Variants in DPY19L1 observed in about 807,000 individuals in gnomAD.
DPY19L1 encodes the protein dpy-19 like C-mannosyltransferase 1.
A neutral mutation model predicts 96.9 loss-of-function variants in DPY19L1; 35 were observed. That is an observed-to-expected ratio of 0.36 (90% CI 0.28 to 0.48). The LOEUF (loss-of-function observed/expected upper bound fraction) is 0.48, where lower values mean the gene tolerates loss of function less well. DPY19L1 is among the 20% of genes least tolerant of loss of function. The pLI, the probability that DPY19L1 is intolerant of heterozygous loss-of-function variation, is 0.99. For synonymous variants in DPY19L1, 205 were observed against 252.6 expected, an observed-to-expected ratio of 0.81 and a Z score of 1.79; for missense variants, 521 against 777.9, an observed-to-expected ratio of 0.67 and a Z score of 3.93.
At chr7:34,996,757 C>T (rs1040207940) in intron 6 of DPY19L1, among the ~76,000 whole-genome samples, 3 of 152,176 alleles carry the variant, frequency 2.0e-5, no homozygotes, top group Non-Finnish European at 4.4e-5. Context: ...CGAAATGCCT[C>T]GCAGGATCTG....
chr7:34,966,177 C>A (rs1229693533), intron 10 of DPY19L1, among the ~76,000 whole-genome samples: 2 of 151,998 alleles, frequency 1.3e-5, no homozygotes, highest in South Asian at 4.1e-4. Flanking sequence ...ACATAATTTA[C>A]CCATTTACTA....
chr7:35,034,215 A>G lies in DPY19L1; in HGVS notation c.298+2882T>C, dbSNP rs181768157. On this transcript the variant is annotated intron_variant, in intron 1 of 21. Transcript: ENST00000638088. ...CTCATGTTAGTCTTTCACCACAGAC[A>G]TGCTTTGTTTGCATGTCTAATGGGT... 6.2e-4 allele frequency among the ~76,000 whole-genome samples: 95 copies of G among 152,318 alleles called. 1 individual carries two copies. The South Asian group carries it at 0.011, about 17-fold the overall frequency.
chr7:35,022,093 CA>C (rs139112752), intron 1 of DPY19L1, among the ~76,000 whole-genome samples: 39,551 of 151,792 alleles, frequency 0.26, 5,389 homozygotes, highest in Non-Finnish European at 0.31. Context: ...TTCTTGCCTA[CA>C]AAAAAATAAT....
chr7:34,996,152 G>A lies in DPY19L1; in HGVS notation c.765-6211C>T, dbSNP rs116479324. On this transcript the variant is annotated intron_variant, in intron 6 of 21. Transcript: ENST00000638088. ...ATTCACCCATGGTGCCTAGCACCAA[G>A]TCTTGTCCATGAAAGAAAATGAAAG... Among the ~76,000 whole-genome samples the A allele has an allele frequency of 1.0e-3, 157 of 152,330 alleles. 1 individual carries two copies. The highest frequency in any genetic ancestry group is 3.4e-3 in the African/African-American group (143 of 41,576).
intron 13 of DPY19L1, chr7:34,954,482 T>C (rs1354994048): frequency 1.6e-5 from 5 of 316,532 alleles, no homozygotes; most frequent in South Asian, 6.9e-5. Context: ...TTTAGTGACA[T>C]AGAAGGACCA....
intron 6 of DPY19L1, among the ~76,000 whole-genome samples, chr7:35,005,786 G>A (rs1318567710): frequency 6.6e-6 from 1 of 150,646 alleles, no homozygotes; most frequent in Non-Finnish European, 1.5e-5. Context: ...ACTCCAGCCT[G>A]GGCAACAGAG....
At chr7:35,017,838 T>A (rs1246472450) in intron 3 of DPY19L1, 44 bp downstream of exon 3, 4 of 1,422,092 alleles carry the variant, frequency 2.8e-6, no homozygotes, top group East Asian at 2.3e-5. Flanking sequence ...TAAATGTTTT[T>A]AAATTCCTAA....
At chr7:35,025,094 G>A (rs1355935111) in intron 1 of DPY19L1, among the ~76,000 whole-genome samples, 2 of 152,148 alleles carry the variant, frequency 1.3e-5, no homozygotes, top group South Asian at 2.1e-4. Context: ...TAAAGTACCT[G>A]GAATCAAAGC....
chr7:35,035,506 A>G (rs1275844212), intron 1 of DPY19L1, among the ~76,000 whole-genome samples: 8 of 152,234 alleles, frequency 5.3e-5, no homozygotes, highest in Non-Finnish European at 8.8e-5. Context: ...AAGCAATGCC[A>G]TTCTATATTT....
intron 1 of DPY19L1, among the ~76,000 whole-genome samples, chr7:35,030,254 G>T (rs559225044): frequency 6.5e-4 from 99 of 152,196 alleles, no homozygotes; most frequent in Non-Finnish European, 1.1e-3. Flanking sequence ...TTTGCCCAAA[G>T]GGCAGAGTAG....
chr7:35,033,910 T>C (rs1418313917), intron 1 of DPY19L1, among the ~76,000 whole-genome samples: 1 of 151,982 alleles, frequency 6.6e-6, no homozygotes, highest in Non-Finnish European at 1.5e-5. Context: ...CAGTGGCATC[T>C]AGTAGGTGGA....
At chr7:34,957,508 TGGTA>T (rs1784404387) in intron 11 of DPY19L1, among the ~76,000 whole-genome samples, 1 of 152,250 alleles carries the variant, frequency 6.6e-6, no homozygotes, top group South Asian at 2.1e-4. Context: ...AAGTTGTTCT[TGGTA>T]GTGATTTAGC....
intron 6 of DPY19L1, among the ~76,000 whole-genome samples, chr7:35,009,449 A>G (rs1310284173): frequency 6.6e-6 from 1 of 152,224 alleles, no homozygotes; most frequent in Non-Finnish European, 1.5e-5. Context: ...AAAAGCCTTA[A>G]AAAATTAGTC....
chr7:34,954,292 C>A (rs1299161995), intron 13 of DPY19L1, among the ~76,000 whole-genome samples: 1 of 151,956 alleles, frequency 6.6e-6, no homozygotes, highest in Non-Finnish European at 1.5e-5. Flanking sequence ...CTTATAAAAG[C>A]CTTTTACAAG....
At chr7:35,002,123 C>T (rs1785440187) in intron 6 of DPY19L1, among the ~76,000 whole-genome samples, 1 of 123,882 alleles carries the variant, frequency 8.1e-6, no homozygotes, top group African/African-American at 3.0e-5. Flanking sequence ...GAGACTCCAG[C>T]TCAAAAAAAA....
chr7:34,944,557 T>A (rs1784101238), intron 16 of DPY19L1, among the ~76,000 whole-genome samples: 1 of 151,944 alleles, frequency 6.6e-6, no homozygotes, highest in Non-Finnish European at 1.5e-5. Flanking sequence ...CACAAACACA[T>A]AAAAATCTCT....
Position 34,930,452 on chromosome 7 carries a change from A to G in DPY19L1, c.*1121T>C, listed in dbSNP as rs1275448510. On this transcript the variant is annotated 3_prime_UTR_variant, in exon 22 of 22. Coordinates refer to ENST00000638088, the MANE Select transcript of DPY19L1 (RefSeq NM_001366673.1). The stretch of plus-strand genomic sequence containing the variant: ...TGGTTTTTAGAACCAAAATTATAAC[A>G]TAAGGCTTAAGGCTTTGTCTTATTA... The G allele has an allele frequency of 6.6e-6, 1 of 150,564 alleles. No individual in the cohort carries two copies. Among genetic ancestry groups the G allele is most frequent in the Non-Finnish European group, 1.5e-5 (1 of 68,022 alleles). The allele number at this position is 150,564 out of a possible 1,614,324, so 9.3% of individuals were successfully genotyped here. A position where few individuals can be genotyped will look rare whatever the true frequency, so the allele number is the denominator to read the frequency against.
chr7:34,959,914 TATATATA>T (rs1784461053), intron 10 of DPY19L1, among the ~76,000 whole-genome samples: 1 of 10,616 alleles, frequency 9.4e-5, no homozygotes, highest in Non-Finnish European at 1.7e-4. Context: ...TATATATATA[TATATATA>T]TATTTATATA....
chr7:34,977,859 G>A (rs893598106), intron 7 of DPY19L1, among the ~76,000 whole-genome samples: 2 of 151,840 alleles, frequency 1.3e-5, no homozygotes, highest in Admixed American at 6.6e-5. Flanking sequence ...CTAAGTATAA[G>A]AAATACATTT....
Sources: gnomAD v4.1 joint callset for allele counts (sites outside exome capture counted in the v4.1 genomes callset) on GRCh38, gnomAD v4.1.1 for gene constraint, MANE v1.5 for transcripts, NCBI Gene and HGNC (gene_info 2026-07-23, HGNC 2026-07-21) for gene names.